The following HLA-DQB2 variants were observed in gnomAD, a reference collection of about 807,000 sequenced individuals.
The protein encoded by HLA-DQB2 is major histocompatibility complex, class II, DQ beta 2, also known as HLA class II histocompatibility antigen, DQ beta 2 chain.
A neutral mutation model predicts 29.2 loss-of-function variants in HLA-DQB2; 24 were observed. The observed-to-expected ratio is 0.82, with a 90% CI of 0.60 to 1.16. HLA-DQB2 has a LOEUF of 1.16. Ranked by LOEUF, HLA-DQB2 falls within the 50% of genes most tolerant of loss-of-function variation. The probability of loss-of-function intolerance (pLI) is 0.00; values close to 1 mark genes in which losing one functional copy is unlikely to be tolerated. For synonymous variants in HLA-DQB2, 104 were observed against 133.1 expected (o/e 0.78, Z 1.51); for missense variants, 273 against 343.6 (o/e 0.79, Z 1.62).
At chr6:32,756,598 C>T in intron 5 of HLA-DQB2, 132 bp from the exon 6 acceptor site, 1 of 1,451,654 alleles carries the variant, frequency 6.9e-7, no homozygotes, top group Non-Finnish European at 9.1e-7. Flanking sequence ...ATCACGTTCC[C>T]CAATATCTGT....
At chr6:32,762,921 T>G (rs542719021) in intron 1 of HLA-DQB2, among the ~76,000 whole-genome samples, 1 of 139,548 alleles carries the variant, frequency 7.2e-6, no homozygotes, top group African/African-American at 2.6e-5. Flanking sequence ...CCCTCAGTAC[T>G]AAGAGTTTGC....
chr6:32,756,846 G>A (rs891227553), intron 5 of HLA-DQB2: 1 of 1,184,388 alleles, frequency 8.4e-7, no homozygotes, highest in South Asian at 3.2e-5. Flanking sequence ...CATTCAAGAT[G>A]TGGCTCTGTC....
At chr6:32,759,843 A>T (rs1445021998) in intron 2 of HLA-DQB2, among the ~76,000 whole-genome samples, 1 of 152,226 alleles carries the variant, frequency 6.6e-6, no homozygotes, top group Non-Finnish European at 1.5e-5. Context: ...TAATGCAAAC[A>T]TATACATATA....
chr6:32,762,679 A>C (rs1764956509), intron 1 of HLA-DQB2, among the ~76,000 whole-genome samples: 1 of 152,240 alleles, frequency 6.6e-6, no homozygotes, highest in South Asian at 2.1e-4. Context: ...CATGATACCT[A>C]CACATAGGAT....
At chr6:32,761,056 C>T (rs200367472) in intron 2 of HLA-DQB2, among the ~76,000 whole-genome samples, 19,845 of 144,602 alleles carry the variant, frequency 0.14, no homozygotes, top group East Asian at 0.23. Flanking sequence ...AACACTCTCA[C>T]CTCAAAGAGC....
Position 32,756,240 on chromosome 6 carries a change from T to G in HLA-DQB2, c.*213A>C. 1.7e-6 allele frequency: 1 copy of G among 579,754 alleles called. No homozygotes were observed. Among genetic ancestry groups the G allele is most frequent in the Non-Finnish European group, 3.1e-6 (1 of 322,758 alleles). 35.9% of individuals were successfully genotyped at this position (579,754 alleles called of 1,614,324 possible). A position where few individuals can be genotyped will look rare whatever the true frequency, so the allele number is the denominator to read the frequency against. On this transcript the variant is annotated 3_prime_UTR_variant, in exon 6 of 6. Coordinates refer to ENST00000437316, the MANE Select transcript of HLA-DQB2 (RefSeq NM_001300790.2). ...GGGCCTGAGTAGACACAGCTTGCAG[T>G]GCACAGGCAGAGGCTCTGGGTCAGT...
At position 32,759,119 on chromosome 6, in the gene HLA-DQB2, A is replaced by G. The variant is rs778353470; in HGVS notation, c.377T>C (p.Val126Ala). 59 of 1,613,504 alleles carry G rather than the reference A, an allele frequency of 3.7e-5. No homozygotes were observed. Among genetic ancestry groups the G allele is most frequent in the East Asian group, 1.8e-4 (8 of 44,890 alleles). ...CTCTGTCCTGGATGGGGAGATGGTC[A>G]CTGTGGGCTCCACTGAGGGCAGTAA... ...TTLQRQVEPTVTISPSRTEAL... is the reference protein window; with the variant it reads ...TTLQRQVEPTATISPSRTEAL... Residue 126 changes from valine to alanine, a missense_variant, in exon 3 of 6, where the codon GTG becomes GCG. Physicochemically the swap from Val to Ala is moderately conservative, Grantham distance 64. Coordinates refer to ENST00000437316, the MANE Select transcript of HLA-DQB2 (RefSeq NM_001300790.2).
chr6:32,760,337 T>C (rs1174328009), intron 2 of HLA-DQB2, among the ~76,000 whole-genome samples: 1 of 152,216 alleles, frequency 6.6e-6, no homozygotes, highest in African/African-American at 2.4e-5. Flanking sequence ...TTACTTCCCT[T>C]AGGCTGTGTA....
intron 1 of HLA-DQB2, 139 bp from the exon 2 acceptor site, chr6:32,762,065 G>T (rs1207537655): frequency 2.5e-6 from 3 of 1,192,454 alleles, no homozygotes; most frequent in African/African-American, 1.6e-5. Flanking sequence ...GTTCTTGGCT[G>T]GGCCCGTGCC....
intron 3 of HLA-DQB2, among the ~76,000 whole-genome samples, chr6:32,758,303 T>A (rs1225356362): frequency 6.6e-6 from 1 of 152,186 alleles, no homozygotes; most frequent in Non-Finnish European, 1.5e-5. Context: ...GTACTGTCAT[T>A]ACAATAGTGA....
At chr6:32,763,321 G>A (rs1359975838) in intron 1 of HLA-DQB2, 53 bp downstream of exon 1, 3 of 1,031,314 alleles carry the variant, frequency 2.9e-6, no homozygotes, top group African/African-American at 3.2e-5. Flanking sequence ...TCCAACCCAA[G>A]GAGAGCCTGT....
intron 4 of HLA-DQB2, among the ~76,000 whole-genome samples, 158 bp downstream of exon 4, chr6:32,757,615 A>G (rs893191012): frequency 8.2e-5 from 12 of 145,544 alleles, no homozygotes; most frequent in African/African-American, 3.1e-4. Context: ...CCATTCACCC[A>G]GTAAAATCAG....
At chr6:32,763,348 C>T (rs1260208786) in intron 1 of HLA-DQB2, 26 bp downstream of exon 1, 2 of 1,430,276 alleles carry the variant, frequency 1.4e-6, no homozygotes, top group East Asian at 4.9e-5. Flanking sequence ...AGTGGTGGCT[C>T]TCGAGAGCAG....
Position 32,756,346 on chromosome 6 carries a change from T to C in HLA-DQB2, c.*107A>G, listed in dbSNP as rs1221080708. ...GTGGCTGCATGAGCCACTGTAGGAC[T>C]CTGACCTCAGTGGGACAGGGTGACA... is the stretch of plus-strand genomic sequence containing the variant. On this transcript the variant is annotated 3_prime_UTR_variant, in exon 6 of 6. Coordinates refer to ENST00000437316, the MANE Select transcript of HLA-DQB2 (RefSeq NM_001300790.2). 2.6e-6 allele frequency: 2 copies of C among 757,638 alleles called. No homozygotes were observed. Among genetic ancestry groups the C allele is most frequent in the Non-Finnish European group, 4.7e-6 (2 of 424,718 alleles). 46.9% of individuals were successfully genotyped at this position (757,638 alleles called of 1,614,324 possible). A position where few individuals can be genotyped will look rare whatever the true frequency, so the allele number is the denominator to read the frequency against.
rs576150144 is a variant in HLA-DQB2, at chr6:32,758,849, C to G, written c.646+1G>C. On this transcript the variant is annotated splice_donor_variant, in intron 3 of 5. Coordinates refer to ENST00000437316, the MANE Select transcript of HLA-DQB2 (RefSeq NM_001300790.2). LOFTEE classifies it high-confidence loss of function. ...GTAAAAGGAAACCAGTTTCCCCTTA[C>G]GCCACTCCACGGTGATGGGGCTCTG... 6 of 1,612,258 alleles carry G rather than the reference C, an allele frequency of 3.7e-6. No individual in the cohort carries two copies. In the Admixed American group the frequency reaches 1.0e-4, roughly 27 times the overall value.
At chr6:32,757,951 A>C in intron 3 of HLA-DQB2, 68 bp from the exon 4 acceptor site, 1 of 1,230,806 alleles carries the variant, frequency 8.1e-7, no homozygotes, top group South Asian at 1.5e-5. Flanking sequence ...CAGGAGGTGG[A>C]GATGTCAGGG....
chr6:32,762,802 T>C (rs1562233696), intron 1 of HLA-DQB2, among the ~76,000 whole-genome samples: 1 of 152,184 alleles, frequency 6.6e-6, no homozygotes, highest in Non-Finnish European at 1.5e-5. Flanking sequence ...TCATACTAAA[T>C]TCAGTCCACC....
intron 3 of HLA-DQB2, 34 bp downstream of exon 3, chr6:32,758,816 G>T (rs1462866120): frequency 6.3e-7 from 1 of 1,595,046 alleles, no homozygotes; most frequent in East Asian, 2.2e-5. Context: ...TGTCTTGTGG[G>T]GCCCACAGTA....
At chr6:32,758,030 AGGT>A in intron 3 of HLA-DQB2, 147 bp from the exon 4 acceptor site, 1 of 610,534 alleles carries the variant, frequency 1.6e-6, no homozygotes, top group East Asian at 3.2e-5. Context: ...TGGACACAAT[AGGT>A]GGGTGAGGGA....
Sources: allele counts gnomAD v4.1 joint callset (sites outside exome capture counted in the v4.1 genomes callset), GRCh38; gene constraint gnomAD v4.1.1; transcripts MANE v1.5; gene names NCBI Gene and HGNC (gene_info 2026-07-23, HGNC 2026-07-21).